The following HMCN1 variants were observed in gnomAD, a reference collection of about 807,000 sequenced individuals.
HMCN1 encodes the protein hemicentin-1.
HMCN1 carries 321 observed loss-of-function variants against 625.9 expected under a neutral mutation model. The ratio of observed to expected loss-of-function variants is 0.51; its 90% CI spans 0.47 to 0.56. The LOEUF (loss-of-function observed/expected upper bound fraction) is 0.56. Ranked by LOEUF, HMCN1 falls within the 20% of genes least tolerant of loss-of-function variation. HMCN1 has a pLI of 0.00. For missense variants in HMCN1, 6,588 were observed against 6,887.3 expected, an observed-to-expected ratio of 0.96 and a Z score of 1.54; for synonymous variants, 2,425 against 2,417.6, an observed-to-expected ratio of 1.00 and a Z score of -0.09.
intron 9 of HMCN1, among the ~76,000 whole-genome samples, chr1:185,927,592 T>G (rs908612040): frequency 2.0e-5 from 3 of 152,160 alleles, no homozygotes; most frequent in African/African-American, 2.4e-5. Context: ...TCTTCATGGT[T>G]TTTTGATGAT....
rs5779272 is a variant in HMCN1, at chr1:186,145,311, C to CT, written c.14267-83dup. 610 of 1,309,844 alleles carry CT rather than the reference C, an allele frequency of 4.7e-4. 1 individual carries two copies. In the East Asian group the frequency reaches 5.0e-3, roughly 11 times the overall value. The allele number at this position is 1,309,844 out of a possible 1,614,324, so 81.1% of individuals were successfully genotyped here. A position where few individuals can be genotyped will look rare whatever the true frequency, so the allele number is the denominator to read the frequency against. On this transcript the variant is annotated intron_variant, in intron 91 of 106. Transcript: ENST00000271588. The stretch of plus-strand genomic sequence containing the variant: ...TTTTGTTTTAGGTGCTGAGAAGAGA[C>CT]TTTTTTTTTAATACTTTTTGGATGA...
chr1:185,933,923 T>C (rs905438452), intron 11 of HMCN1, 99 bp downstream of exon 11: 17 of 835,734 alleles, frequency 2.0e-5, no homozygotes, highest in Admixed American at 1.9e-4. Context: ...TGAGAGTATC[T>C]ACCCAAATAA....
Position 186,137,900 on chromosome 1 carries a change from G to T in HMCN1, c.13852G>T (p.Val4618Phe). The change falls in exon 89 of 107, where the codon GTT becomes TTT. Residue 4618 changes from valine to phenylalanine, a missense_variant. By Grantham distance (50) the Val-to-Phe change is conservative. Transcript: ENST00000271588. ...TRTRTCNNPS[V>F]QHGGRPCEGN... ...GACCAGGACTTGCAATAATCCATCA[G>T]TTCAGCATGGTGGGCGGCCATGTGA... 6.2e-7 allele frequency: 1 copy of T among 1,614,122 alleles called. No homozygotes were observed. Among genetic ancestry groups the T allele is most frequent in the Non-Finnish European group, 8.5e-7 (1 of 1,179,982 alleles).
chr1:185,822,443 C>T (rs774376064), intron 1 of HMCN1, among the ~76,000 whole-genome samples: 3 of 152,104 alleles, frequency 2.0e-5, no homozygotes, highest in Non-Finnish European at 2.9e-5. Flanking sequence ...GCCCCCAAAA[C>T]ACCCAAACTG....
At chr1:186,006,454 T>G (rs1653639633) in intron 29 of HMCN1, among the ~76,000 whole-genome samples, 1 of 152,122 alleles carries the variant, frequency 6.6e-6, no homozygotes, top group South Asian at 2.1e-4. Flanking sequence ...AAAATAAAAC[T>G]GCTGCCAATT....
chr1:185,850,563 G>C (rs1191635559), intron 2 of HMCN1, among the ~76,000 whole-genome samples: 1 of 152,060 alleles, frequency 6.6e-6, no homozygotes, highest in Non-Finnish European at 1.5e-5. Flanking sequence ...CCAGGGTGAA[G>C]GATCCTGATT....
chr1:186,168,566 C>T (rs1244823986), intron 100 of HMCN1, among the ~76,000 whole-genome samples: 1 of 151,804 alleles, frequency 6.6e-6, no homozygotes, highest in African/African-American at 2.4e-5. Context: ...CAATAAGAGA[C>T]ATTGGCAATC....
intron 97 of HMCN1, 93 bp downstream of exon 97, chr1:186,154,080 A>ATGAAAAACC: frequency 2.0e-6 from 2 of 994,886 alleles, no homozygotes; most frequent in Non-Finnish European, 1.6e-6. Context: ...TACATCTAAC[A>ATGAAAAACC]TGATATCAGG....
chr1:186,105,577 AT>A (rs757697538), intron 69 of HMCN1, among the ~76,000 whole-genome samples: 17 of 152,324 alleles, frequency 1.1e-4, no homozygotes, highest in Non-Finnish European at 2.5e-4. Context: ...GGAAAACTTT[AT>A]ATACTGTACC....
chr1:185,977,335 T>A (rs1651289684), intron 15 of HMCN1, among the ~76,000 whole-genome samples: 1 of 152,134 alleles, frequency 6.6e-6, no homozygotes, highest in African/African-American at 2.4e-5. Context: ...TATATAGTGA[T>A]TATAGAATAA....
At chr1:185,751,384 T>C (rs1654806295) in intron 1 of HMCN1, among the ~76,000 whole-genome samples, 1 of 152,176 alleles carries the variant, frequency 6.6e-6, no homozygotes, top group South Asian at 2.1e-4. Context: ...CTTAGTCTAA[T>C]TTTTGTCCCT....
chr1:185,831,844 A>G (rs2102290744), intron 1 of HMCN1, among the ~76,000 whole-genome samples: 1 of 152,326 alleles, frequency 6.6e-6, no homozygotes, highest in East Asian at 1.9e-4. Flanking sequence ...AGAAATAAAA[A>G]ACCTTCTAAG....
intron 8 of HMCN1, among the ~76,000 whole-genome samples, chr1:185,924,375 C>T (rs1270135313): frequency 6.6e-6 from 1 of 151,598 alleles, no homozygotes; most frequent in African/African-American, 2.4e-5. Flanking sequence ...GGACTACAGG[C>T]GCCTGCCACC....
In HMCN1 at chr1:186,108,675, G is replaced by T; in HGVS notation, c.10989+78G>T. The stretch of plus-strand genomic sequence containing the variant: ...AAAATCAGCTCTAGGGCCTTTGCTG[G>T]GTACACAAAACCAACTAACATCAGG... On this transcript the variant is annotated intron_variant, in intron 71 of 106. Coordinates refer to ENST00000271588, the MANE Select transcript of HMCN1 (RefSeq NM_031935.3). 5 of 1,544,820 alleles carry T rather than the reference G, an allele frequency of 3.2e-6. No homozygotes were observed. The South Asian group carries it at 5.8e-5, about 18-fold the overall frequency.
chr1:186,169,383 A>G (rs1415420912), intron 100 of HMCN1, among the ~76,000 whole-genome samples: 1 of 152,230 alleles, frequency 6.6e-6, no homozygotes, highest in African/African-American at 2.4e-5. Context: ...CGTATAGCCA[A>G]GACAATCCTA....
chr1:186,137,497 G>A lies in HMCN1; in HGVS notation c.13583-1G>A. The A allele has an allele frequency of 6.2e-7, 1 of 1,613,128 alleles. No individual in the cohort carries two copies. The highest frequency in any genetic ancestry group is 8.5e-7 in the Non-Finnish European group (1 of 1,179,646). The stretch of plus-strand genomic sequence containing the variant: ...GACAAAGTACAATGTTTTATTTGCA[G>A]TTCATGGTGGATTTTCCCAGTGGTC... On this transcript the variant is annotated splice_acceptor_variant, in intron 87 of 106. Transcript: ENST00000271588. LOFTEE classifies it high-confidence loss of function.
intron 4 of HMCN1, 82 bp from the exon 5 acceptor site, chr1:185,909,255 C>A: frequency 9.4e-7 from 1 of 1,059,428 alleles, no homozygotes; most frequent in Non-Finnish European, 1.5e-6. Flanking sequence ...GTCATTTGAT[C>A]ACCCAAAGGA....
At chr1:185,917,829 G>A (rs531592960) in intron 6 of HMCN1, among the ~76,000 whole-genome samples, 8 of 152,266 alleles carry the variant, frequency 5.3e-5, no homozygotes, top group African/African-American at 1.9e-4. Context: ...GATCTCAGAG[G>A]AGCAAGTAAT....
In HMCN1 at chr1:186,001,744, A is replaced by AAG; in HGVS notation, c.4348+5_4348+6dup. The AAG allele has an allele frequency of 6.2e-7, 1 of 1,610,240 alleles. No homozygotes were observed. The highest frequency in any genetic ancestry group is 8.5e-7 in the Non-Finnish European group (1 of 1,176,898). ...GTACTTTAACATTGATGTGCTAGGT[A>AAG]AGAAATACATCCTTTTAAAAAACTA... On this transcript the variant is annotated splice_donor_region_variant and intron_variant, in intron 28 of 106. Transcript: ENST00000271588.
Sources: gnomAD v4.1 joint callset for allele counts (sites outside exome capture counted in the v4.1 genomes callset) on GRCh38, gnomAD v4.1.1 for gene constraint, MANE v1.5 for transcripts, NCBI Gene and HGNC (gene_info 2026-07-23, HGNC 2026-07-21) for gene names.